Variants in ATAD2 observed in about 807,000 individuals in gnomAD.
ATAD2 encodes ATPase family AAA domain-containing protein 2.
In ATAD2, 62 loss-of-function variants were observed where a neutral mutation model predicts 168.9. The observed-to-expected ratio is 0.37, with a 90% confidence interval of 0.30 to 0.45. The LOEUF (loss-of-function observed/expected upper bound fraction) is 0.45, where lower values mean the gene tolerates loss of function less well. Among genes scored for constraint, ATAD2 ranks in the 20% least tolerant of loss-of-function variants. The pLI is 1.00. For synonymous variants in ATAD2, 613 were observed against 571.6 expected (o/e 1.07, Z -1.03); for missense variants, 1,419 against 1,667.8 (o/e 0.85, Z 2.60).
chr8:123,381,951 C>A (rs1829505907), intron 1 of ATAD2, among the ~76,000 whole-genome samples: 1 of 151,900 alleles, frequency 6.6e-6, no homozygotes, highest in African/African-American at 2.4e-5. Context: ...GAGGCTGAGG[C>A]AAGAGAATCG....
At chr8:123,381,757 AG>A (rs1307341715) in intron 1 of ATAD2, among the ~76,000 whole-genome samples, 1 of 152,124 alleles carries the variant, frequency 6.6e-6, no homozygotes, top group Non-Finnish European at 1.5e-5. Flanking sequence ...AAAAAAAGAT[AG>A]GGCCAGGCAC....
chr8:123,405,420 C>CTTTTTTTT (rs112395027), intron 1 of ATAD2, among the ~76,000 whole-genome samples: 1 of 148,514 alleles, frequency 6.7e-6, no homozygotes, highest in Non-Finnish European at 1.5e-5. Flanking sequence ...TGAAGCCTGG[C>CTTTTTTTT]TTTTTTTTTT....
intron 1 of ATAD2, among the ~76,000 whole-genome samples, chr8:123,394,406 G>C (rs1017414507): frequency 6.6e-6 from 1 of 152,060 alleles, no homozygotes. Context: ...GAGGCAAGTG[G>C]ATCACCTGAG....
Position 123,359,670 on chromosome 8 carries a change from A to G in ATAD2, c.1173T>C (p.Asn391=). 2 of 1,612,486 alleles carry G rather than the reference A, an allele frequency of 1.2e-6. No individual in the cohort carries two copies. The highest frequency in any genetic ancestry group is 1.7e-6 in the Non-Finnish European group (2 of 1,179,398). ...NRAINRCLPL[N]FRKDELKGIY... ...TGCCTTTTAATTCATCTTTCCGAAA[A>G]TTTAGTGGGAGGCACCTATTTAAAA... is the stretch of plus-strand genomic sequence containing the variant. The change falls in exon 10 of 28, where the codon AAT becomes AAC. Residue 391 remains asparagine (N), a synonymous_variant. Coordinates refer to ENST00000287394, the MANE Select transcript of ATAD2 (RefSeq NM_014109.4).
Position 123,389,362 on chromosome 8 carries a change from G to A in ATAD2, c.171+6825C>T, listed in dbSNP as rs1033333475. ...GGCATAAAACTCCCAATGGTCGGCC[G>A]GGCGTGGTGGCTCACATCTGTAATC... On this transcript the variant is annotated intron_variant, in intron 1 of 27. Coordinates refer to ENST00000287394, the MANE Select transcript of ATAD2 (RefSeq NM_014109.4). Among the ~76,000 whole-genome samples, 6 of 149,738 alleles carry A rather than the reference G, an allele frequency of 4.0e-5. No homozygotes were observed. The East Asian group carries it at 8.2e-4, about 20-fold the overall frequency.
In ATAD2 at chr8:123,403,857, AAC is replaced by A. The variant is rs1813037456; in HGVS notation, c.-2281-2684_-2281-2683del. On this transcript the variant is annotated intron_variant, in intron 1 of 28. Transcript: ENST00000521903. ...CCTACAGAAGATCCTGTCTGCCTTC[AAC>A]AGAAGGACTTTGTCTAGGTGTGCTG... 2.0e-5 allele frequency among the ~76,000 whole-genome samples: 3 copies of A among 152,276 alleles called. No individual in the cohort carries two copies. The South Asian group carries it at 6.2e-4, about 32-fold the overall frequency.
rs866073729 is a variant in ATAD2 at position 123,386,021 on chromosome 8, A to C, written c.172-5344T>G. Among the ~76,000 whole-genome samples the C allele has an allele frequency of 1.8e-4, 24 of 136,004 alleles. 1 individual carries two copies. In the Middle Eastern group the frequency reaches 0.015, roughly 85 times the overall value. 89.2% of individuals were successfully genotyped at this position (136,004 alleles called of 152,430 possible). On this transcript the variant is annotated intron_variant, in intron 1 of 27. Coordinates refer to ENST00000287394, the MANE Select transcript of ATAD2 (RefSeq NM_014109.4). ...CACACACATTAGGATGGCTACTCACAAAAAAAAAAAAAAAGGAGAAAATAG... is the reference window on the plus strand; with the variant it reads ...CACACACATTAGGATGGCTACTCACCAAAAAAAAAAAAAAGGAGAAAATAG...
intron 13 of ATAD2, 53 bp downstream of exon 13, chr8:123,356,336 A>C (rs1335426215): frequency 1.5e-4 from 218 of 1,448,272 alleles, no homozygotes; most frequent in Non-Finnish European, 1.9e-4. Flanking sequence ...TCACACATCA[A>C]TACCACTCAG....
chr8:123,369,868 T>C lies in ATAD2; in HGVS notation c.884A>G (p.Tyr295Cys), dbSNP rs763082616. Residue 295 changes from tyrosine (Y) to cysteine (C), a missense_variant, in exon 7 of 28, where the codon TAT (tyrosine) becomes TGT (cysteine). By Grantham distance (194) the Tyr-to-Cys change is radical. Coordinates refer to ENST00000287394, the MANE Select transcript of ATAD2 (RefSeq NM_014109.4). ...AACAGTAGCTTTTCTCTGTCTAAGATAATATCGCTTCTGATTCTCTTCTTC... is the reference window on the plus strand; with the variant it reads ...AACAGTAGCTTTTCTCTGTCTAAGACAATATCGCTTCTGATTCTCTTCTTC... ...DGEEENQKRYYLRQRKATVYY... is the reference protein window; with the variant it reads ...DGEEENQKRYCLRQRKATVYY... The C allele has an allele frequency of 1.9e-6, 3 of 1,612,120 alleles. No homozygotes were observed. The highest frequency in any genetic ancestry group is 2.5e-6 in the Non-Finnish European group (3 of 1,179,462).
intron 26 of ATAD2, among the ~76,000 whole-genome samples, chr8:123,324,627 C>T (rs1827556708): frequency 6.6e-6 from 1 of 152,000 alleles, no homozygotes; most frequent in Non-Finnish European, 1.5e-5. Context: ...TCAGAAAAAC[C>T]CTGAGGAGCT....
chr8:123,370,821 T>C, intron 6 of ATAD2, 82 bp downstream of exon 6: 1 of 998,508 alleles, frequency 1.0e-6, no homozygotes, highest in Non-Finnish European at 1.5e-6. Context: ...ATGTCACACC[T>C]TCTAGCTAAA....
intron 8 of ATAD2, among the ~76,000 whole-genome samples, chr8:123,367,740 C>T (rs1829025444): frequency 6.6e-6 from 1 of 152,124 alleles, no homozygotes; most frequent in African/African-American, 2.4e-5. Flanking sequence ...TCCTTCTGGA[C>T]CCTGGTCATG....
chr8:123,369,524 A>C (rs982712735), intron 7 of ATAD2: 2 of 347,590 alleles, frequency 5.8e-6, no homozygotes, highest in Non-Finnish European at 1.0e-5. Flanking sequence ...AATCAAAAGA[A>C]GTCCTATCTC....
At position 123,369,154 on chromosome 8, in the gene ATAD2, G is replaced by C; in HGVS notation, c.953C>G (p.Pro318Arg). 6.5e-7 allele frequency: 1 copy of C among 1,549,384 alleles called. No individual in the cohort carries two copies. The highest frequency in any genetic ancestry group is 8.8e-7 in the Non-Finnish European group (1 of 1,141,168). The stretch of plus-strand genomic sequence containing the variant: ...AGCTGGGCCACTATAAAATATGTTG[G>C]GCTTTCTCTGGTGACGAGGTTCTAA... ...PLEKPRHQRK[P>R]NIFYSGPASP... The change falls in exon 8 of 28, where the codon CCC becomes CGC. Residue 318 changes from proline (P) to arginine (R), a missense_variant. Physicochemically the swap from Pro to Arg is moderately radical, Grantham distance 103 (BLOSUM62 -2). This residue lies in a region of ATAD2 where 419 missense variants were observed against 423.5 expected (regional missense o/e 0.99). Transcript: ENST00000287394.
At chr8:123,366,409 G>C (rs768062739) in intron 8 of ATAD2, among the ~76,000 whole-genome samples, 5 of 152,144 alleles carry the variant, frequency 3.3e-5, no homozygotes, top group Admixed American at 6.6e-5. Flanking sequence ...TCCCACTACT[G>C]GGTATCTACC....
At chr8:123,372,588 A>T in intron 3 of ATAD2, 49 bp downstream of exon 3, 1 of 1,395,424 alleles carries the variant, frequency 7.2e-7, no homozygotes, top group Non-Finnish European at 9.7e-7. Context: ...CTGTAAACAG[A>T]ATATTAATTA....
chr8:123,381,989 T>C (rs1829506879), intron 1 of ATAD2, among the ~76,000 whole-genome samples: 1 of 152,146 alleles, frequency 6.6e-6, no homozygotes, highest in Admixed American at 6.5e-5. Flanking sequence ...GAGGTTGCAG[T>C]GAGCAGAGAT....
Position 123,328,423 on chromosome 8 carries a change from T to TACGGCGACCACCAA in ATAD2, c.3634_3635insTTGGTGGTCGCCGT (p.His1212LeufsTer33). 6.3e-7 allele frequency: 1 copy of TACGGCGACCACCAA among 1,578,892 alleles called. No individual in the cohort carries two copies. The highest frequency in any genetic ancestry group is 1.2e-5 in the South Asian group (1 of 85,270). On this transcript the variant is annotated frameshift_variant, in exon 25 of 28. Coordinates refer to ENST00000287394, the MANE Select transcript of ATAD2 (RefSeq NM_014109.4). LOFTEE classifies it high-confidence loss of function. Reference sequence around the variant, plus strand: ...CTCTCCTGTGTTTCCGGTCTCATTATGATCTACACTTGTGTCTTGAGTTTC... The same window carrying TACGGCGACCACCAA: ...CTCTCCTGTGTTTCCGGTCTCATTATACGGCGACCACCAAGATCTACACTTGTGTCTTGAGTTTC...
intron 19 of ATAD2, among the ~76,000 whole-genome samples, chr8:123,341,650 T>A (rs528905778): frequency 6.6e-6 from 1 of 152,340 alleles, no homozygotes; most frequent in South Asian, 2.1e-4. Flanking sequence ...TCTGTATTCT[T>A]GTTCTTTGGG....
Sources: gnomAD v4.1 joint callset for allele counts (sites outside exome capture counted in the v4.1 genomes callset) on GRCh38, gnomAD v4.1.1 for gene constraint, gnomAD v4.1.1 regional missense constraint, MANE v1.5 for transcripts, NCBI Gene and HGNC (gene_info 2026-07-23, HGNC 2026-07-21) for gene names.